RAD17: variants seen among roughly 807,000 people sequenced by gnomAD.
RAD17 encodes cell cycle checkpoint protein RAD17.
Under a neutral mutation model 81.5 loss-of-function variants are expected in RAD17, and 31 were observed. That is an observed-to-expected ratio of 0.38 (90% CI 0.29 to 0.51). The LOEUF (loss-of-function observed/expected upper bound fraction) is 0.51. RAD17 is among the 20% of genes least tolerant of loss of function. RAD17 has a pLI of 0.88. For synonymous variants in RAD17, 261 were observed against 266.2 expected (o/e 0.98, Z 0.19); for missense variants, 681 against 781.2 (o/e 0.87, Z 1.53).
chr5:69,399,534 A>T (rs1481719429), intron 16 of RAD17, among the ~76,000 whole-genome samples: 1 of 152,192 alleles, frequency 6.6e-6, no homozygotes, highest in Non-Finnish European at 1.5e-5. Context: ...TTTCTTGGAG[A>T]ATTTAATGAC....
At chr5:69,369,499 C>T (rs17356016), upstream of RAD17, 5 of 1,611,610 alleles carry the variant, frequency 3.1e-6, no homozygotes, top group East Asian at 6.7e-5. Flanking sequence ...ATGGTCCCCG[C>T]CGCGACGGCT....
chr5:69,413,014 C>T (rs904452846), intron 18 of RAD17, among the ~76,000 whole-genome samples: 1 of 151,292 alleles, frequency 6.6e-6, no homozygotes, highest in African/African-American at 2.4e-5. Flanking sequence ...AGTAGTAGCT[C>T]ATTATGTTAA....
chr5:69,374,016 G>A lies in RAD17; in HGVS notation c.196G>A (p.Gly66Ser). The A allele has an allele frequency of 1.9e-6, 3 of 1,611,238 alleles. No individual in the cohort carries two copies. In the South Asian group the frequency reaches 3.3e-5, roughly 18 times the overall value. ...TCTATCTTCCTTAGAACAGATTTAT[G>A]GTTTAGAAAATTCAAAAGAATATCT... Reference protein sequence around the residue: ...GNLSSLEQIYGLENSKEYLSE... With the variant: ...GNLSSLEQIYSLENSKEYLSE... Residue 66 changes from glycine to serine, a missense_variant, in exon 5 of 19, where the codon GGT (glycine) becomes AGT (serine). Physicochemically the swap from Gly to Ser is moderately conservative, Grantham distance 56 (BLOSUM62 0). Transcript: ENST00000354868.
intron 6 of RAD17, among the ~76,000 whole-genome samples, chr5:69,380,927 A>C (rs1289407538): frequency 6.6e-6 from 1 of 151,660 alleles, no homozygotes; most frequent in Non-Finnish European, 1.5e-5. Flanking sequence ...CACCATGCCC[A>C]GCTAATTTTT....
chr5:69,398,890 AG>A (rs1191484674), intron 16 of RAD17, among the ~76,000 whole-genome samples: 1 of 145,422 alleles, frequency 6.9e-6, no homozygotes, highest in African/African-American at 2.6e-5. Flanking sequence ...AAAAAAAAAG[AG>A]GCCAGGTGCA....
upstream of RAD17, chr5:69,369,517 C>A (rs200813638): frequency 6.2e-7 from 1 of 1,611,326 alleles, no homozygotes; most frequent in South Asian, 1.1e-5. Context: ...GCTTCGGGCG[C>A]CTCGCTCACG....
intron 17 of RAD17, among the ~76,000 whole-genome samples, chr5:69,401,850 A>G (rs1448102703): frequency 2.2e-4 from 23 of 104,346 alleles, no homozygotes; most frequent in Non-Finnish European, 3.9e-4. Flanking sequence ...CCCACAAAAA[A>G]CAAAAAAACC....
In RAD17 at chr5:69,377,616, TATATATGC is replaced by T. The variant is rs1379087137; in HGVS notation, c.351+2912_351+2919del. Among the ~76,000 whole-genome samples, 196 of 80,692 alleles carry T rather than the reference TATATATGC, an allele frequency of 2.4e-3. 65 individuals carry two copies. The highest frequency in any genetic ancestry group is 9.1e-3 in the African/African-American group (190 of 20,886). 52.9% of individuals were successfully genotyped at this position (80,692 alleles called of 152,430 possible). A position where few individuals can be genotyped will look rare whatever the true frequency, so the allele number is the denominator to read the frequency against. ...ATATATGCATATATATATGTATACATATATATGCATATATATGTATACATATATATATG... is the reference window on the plus strand; with the variant it reads ...ATATATGCATATATATATGTATACATATATATATGTATACATATATATATG... On this transcript the variant is annotated intron_variant, in intron 6 of 18. Coordinates refer to ENST00000354868, the MANE Select transcript of RAD17 (RefSeq NM_133338.3).
At chr5:69,384,286 A>T (rs532092335) in intron 7 of RAD17, 2 of 152,844 alleles carry the variant, frequency 1.3e-5, no homozygotes, top group African/African-American at 2.4e-5. Flanking sequence ...TATGAATGTT[A>T]TACCGACAGC....
Position 69,373,875 on chromosome 5 carries a change from A to G in RAD17, c.55A>G (p.Ser19Gly), listed in dbSNP as rs750456581. Reference protein sequence around the residue: ...DPSFDDFLECSGVSTITATSL... With the variant: ...DPSFDDFLECGGVSTITATSL... Reference sequence around the variant, plus strand: ...ATCATTTGATGATTTTCTAGAGTGTAGTGGCGTCTCTACTATTACTGCCAC... The same window carrying G: ...ATCATTTGATGATTTTCTAGAGTGTGGTGGCGTCTCTACTATTACTGCCAC... Residue 19 changes from serine to glycine, a missense_variant, in exon 5 of 19, where the codon AGT becomes GGT. Coordinates refer to ENST00000354868, the MANE Select transcript of RAD17 (RefSeq NM_133338.3). The G allele has an allele frequency of 6.2e-7, 1 of 1,609,844 alleles. No homozygotes were observed. Among genetic ancestry groups the G allele is most frequent in the Non-Finnish European group, 8.5e-7 (1 of 1,176,558 alleles).
At chr5:69,384,957 T>C in intron 8 of RAD17, 24 bp downstream of exon 8, 2 of 1,337,304 alleles carry the variant, frequency 1.5e-6, no homozygotes, top group Non-Finnish European at 2.0e-6. Flanking sequence ...TTAAAATCTT[T>C]TTTTTTTTTT....
At chr5:69,408,801 G>A (rs958097989) in intron 17 of RAD17, among the ~76,000 whole-genome samples, 8 of 152,070 alleles carry the variant, frequency 5.3e-5, no homozygotes, top group African/African-American at 1.7e-4. Flanking sequence ...GTGAGCCACT[G>A]TGCCTGACTA....
At chr5:69,377,626 T>TATATGTATACATATATATGCATAC (rs1763542337) in intron 6 of RAD17, among the ~76,000 whole-genome samples, 1 of 39,634 alleles carries the variant, frequency 2.5e-5, no homozygotes, top group African/African-American at 1.1e-4. Flanking sequence ...TATATATGCA[T>TATATGTATACATATATATGCATAC]ATATATGTAT....
rs555008004 is a variant in RAD17, at chr5:69,396,780, A to G, written c.1572+234A>G. On this transcript the variant is annotated intron_variant, in intron 16 of 18. Coordinates refer to ENST00000354868, the MANE Select transcript of RAD17 (RefSeq NM_133338.3). ...GAAAAAAGACCATCACAATTTGAAA[A>G]TATTAGTTCAGTTTTATTGGAATCA... 3.3e-5 allele frequency among the ~76,000 whole-genome samples: 5 copies of G among 152,268 alleles called. No homozygotes were observed. The South Asian group carries it at 8.3e-4, about 25-fold the overall frequency.
rs1167099924 is a variant in RAD17, at chr5:69,402,098, A to C, written c.1693+1929A>C. Among the ~76,000 whole-genome samples the C allele has an allele frequency of 2.2e-5, 3 of 137,516 alleles. No individual in the cohort carries two copies. The East Asian group carries it at 7.8e-4, about 36-fold the overall frequency. 90.2% of individuals were successfully genotyped at this position (137,516 alleles called of 152,430 possible). A position where few individuals can be genotyped will look rare whatever the true frequency, so the allele number is the denominator to read the frequency against. ...GTTTCACTCTTGTTGCTGAGGCTGGAGTGCAATGGCATGATCTCGACTTAC... is the reference window on the plus strand; with the variant it reads ...GTTTCACTCTTGTTGCTGAGGCTGGCGTGCAATGGCATGATCTCGACTTAC... On this transcript the variant is annotated intron_variant, in intron 17 of 18. Transcript: ENST00000354868.
In RAD17 at chr5:69,372,113, G is replaced by C. The variant is rs1580347111; in HGVS notation, c.-96G>C. ...TTGCAAATCAGAATTGCTGTCGAAA[G>C]TTTTACTATAATGAAAGATATTTTC... On this transcript the variant is annotated 5_prime_UTR_variant, in exon 4 of 19. Coordinates refer to ENST00000354868, the MANE Select transcript of RAD17 (RefSeq NM_133338.3). 6.8e-7 allele frequency: 1 copy of C among 1,480,894 alleles called. No individual in the cohort carries two copies. The highest frequency in any genetic ancestry group is 1.4e-5 in the African/African-American group (1 of 70,366). The allele number at this position is 1,480,894 out of a possible 1,614,324, so 91.7% of individuals were successfully genotyped here. A position where few individuals can be genotyped will look rare whatever the true frequency, so the allele number is the denominator to read the frequency against.
In RAD17 at chr5:69,396,854, C is replaced by T. The variant is rs111333970; in HGVS notation, c.1572+308C>T. 1.8e-3 allele frequency among the ~76,000 whole-genome samples: 272 copies of T among 152,012 alleles called. 4 individuals carry two copies. The highest frequency in any genetic ancestry group is 6.2e-3 in the African/African-American group (259 of 41,480). On this transcript the variant is annotated intron_variant, in intron 16 of 18. Coordinates refer to ENST00000354868, the MANE Select transcript of RAD17 (RefSeq NM_133338.3). ...TTTTTTATTTTTTTATTTTTTGAGA[C>T]GGAGTTTCGCTCTTTTTGCCCAGGC...
chr5:69,373,817 C>CTT lies in RAD17; in HGVS notation c.10-5_10-4dup. ...AAATGTGATTATATTTACATGATTTCTTTTTTTTTCAGGTAACAGACTGGG... is the reference window on the plus strand; with the variant it reads ...AAATGTGATTATATTTACATGATTTCTTTTTTTTTTTCAGGTAACAGACTGGG... On this transcript the variant is annotated splice_polypyrimidine_tract_variant and intron_variant, in intron 4 of 18. Coordinates refer to ENST00000354868, the MANE Select transcript of RAD17 (RefSeq NM_133338.3). 4 of 1,485,898 alleles carry CTT rather than the reference C, an allele frequency of 2.7e-6. No individual in the cohort carries two copies. The highest frequency in any genetic ancestry group is 3.6e-6 in the Non-Finnish European group (4 of 1,109,724). 92.0% of individuals were successfully genotyped at this position (1,485,898 alleles called of 1,614,324 possible).
At chr5:69,388,140 G>T (rs1764330167) in intron 11 of RAD17, among the ~76,000 whole-genome samples, 1 of 152,168 alleles carries the variant, frequency 6.6e-6, no homozygotes, top group South Asian at 2.1e-4. Flanking sequence ...GAGCCTGGGA[G>T]CTCAAGACCA....
Sources: allele counts gnomAD v4.1 joint callset (sites outside exome capture counted in the v4.1 genomes callset), GRCh38; gene constraint gnomAD v4.1.1; transcripts MANE v1.5; gene names NCBI Gene and HGNC (gene_info 2026-07-23, HGNC 2026-07-21).